Variants in KCNIP4 observed in about 807,000 individuals in gnomAD.
KCNIP4 encodes the protein Kv channel-interacting protein 4.
Under a neutral mutation model 34.0 loss-of-function variants are expected in KCNIP4, and 12 were observed. That is an observed-to-expected ratio of 0.35 (90% CI 0.23 to 0.57). The LOEUF is 0.57. KCNIP4 is among the 20% of genes least tolerant of loss of function. KCNIP4 has a pLI of 0.83. For missense variants in KCNIP4, 238 were observed against 311.7 expected, an observed-to-expected ratio of 0.76 and a Z score of 1.78; for synonymous variants, 124 against 102.2, an observed-to-expected ratio of 1.21 and a Z score of -1.29.
intron 3 of KCNIP4, among the ~76,000 whole-genome samples, chr4:20,849,201 A>G (rs914122787): frequency 2.6e-5 from 4 of 152,134 alleles, no homozygotes; most frequent in Non-Finnish European, 4.4e-5. Context: ...TCTCCATTAT[A>G]ATCTCCTCTG....
rs555524526 is a variant in KCNIP4 at position 21,671,914 on chromosome 4, T to C, written c.61+276657A>G. On this transcript the variant is annotated intron_variant, in intron 1 of 8. Coordinates refer to ENST00000382152, the MANE Select transcript of KCNIP4 (RefSeq NM_025221.6). ...CTGGGTTCAAGCAAACGCATCCCAC[T>C]AGAACCCAGTCCTGAACTTTGAAGT... Among the ~76,000 whole-genome samples, 3 of 152,262 alleles carry C rather than the reference T, an allele frequency of 2.0e-5. No individual in the cohort carries two copies. In the East Asian group the frequency reaches 5.8e-4, roughly 29 times the overall value.
chr4:21,508,946 T>C (rs907315445), intron 1 of KCNIP4, among the ~76,000 whole-genome samples: 14 of 152,162 alleles, frequency 9.2e-5, no homozygotes, highest in Admixed American at 5.9e-4. Context: ...CATGGACACC[T>C]TCTTGCTTCT....
At chr4:20,892,489 A>G (rs1430671725) in intron 1 of KCNIP4, among the ~76,000 whole-genome samples, 1 of 151,756 alleles carries the variant, frequency 6.6e-6, no homozygotes, top group Admixed American at 6.6e-5. Flanking sequence ...CTCTGGCTCA[A>G]TGTCTCTCTC....
intron 1 of KCNIP4, among the ~76,000 whole-genome samples, chr4:21,376,651 C>T (rs942995993): frequency 2.5e-4 from 38 of 152,172 alleles, no homozygotes; most frequent in African/African-American, 9.2e-4. Flanking sequence ...TCCCTTCAGA[C>T]CTGTATCATG....
At chr4:21,072,034 G>C (rs1042255668) in intron 1 of KCNIP4, among the ~76,000 whole-genome samples, 1 of 152,138 alleles carries the variant, frequency 6.6e-6, no homozygotes, top group African/African-American at 2.4e-5. Flanking sequence ...TCTTAATCCA[G>C]TCTGTCATTG....
At chr4:21,198,087 A>ATTTTCAGAAAATTCAGGTC (rs1756189873) in intron 1 of KCNIP4, among the ~76,000 whole-genome samples, 1 of 152,160 alleles carries the variant, frequency 6.6e-6, no homozygotes, top group Non-Finnish European at 1.5e-5. Flanking sequence ...CATATGAGTA[A>ATTTTCAGAAAATTCAGGTC]TTTTCAGAAA....
intron 1 of KCNIP4, among the ~76,000 whole-genome samples, chr4:21,553,271 C>A (rs1738724421): frequency 6.6e-6 from 1 of 152,148 alleles, no homozygotes; most frequent in Non-Finnish European, 1.5e-5. Context: ...CCATTCACTT[C>A]TCTCACTAGG....
chr4:21,652,065 A>C (rs1747526927), intron 1 of KCNIP4, among the ~76,000 whole-genome samples: 1 of 152,108 alleles, frequency 6.6e-6, no homozygotes, highest in African/African-American at 2.4e-5. Context: ...ACAGGTCTAC[A>C]CCTCTAACAC....
chr4:21,333,848 C>A (rs1235435701), intron 1 of KCNIP4, among the ~76,000 whole-genome samples: 1 of 152,114 alleles, frequency 6.6e-6, no homozygotes, highest in Admixed American at 6.5e-5. Context: ...AGGATCATGG[C>A]CAGTGGCCAA....
At chr4:21,601,826 G>A (rs2109121822) in intron 1 of KCNIP4, among the ~76,000 whole-genome samples, 1 of 152,186 alleles carries the variant, frequency 6.6e-6, no homozygotes, top group South Asian at 2.1e-4. Flanking sequence ...CCATGCTTAT[G>A]CATGGCTGGT....
chr4:21,099,002 G>A (rs1170749993), intron 1 of KCNIP4, among the ~76,000 whole-genome samples: 2 of 152,298 alleles, frequency 1.3e-5, no homozygotes, highest in East Asian at 1.9e-4. Context: ...AAAAAGGAAC[G>A]CTTTTGCACT....
chr4:21,147,616 T>C (rs953105521), intron 1 of KCNIP4, among the ~76,000 whole-genome samples: 5 of 152,108 alleles, frequency 3.3e-5, no homozygotes, highest in Non-Finnish European at 4.4e-5. Context: ...AGGAATTATT[T>C]TGATGTTATA....
intron 1 of KCNIP4, among the ~76,000 whole-genome samples, chr4:21,898,858 C>T (rs1727553103): frequency 6.6e-6 from 1 of 152,136 alleles, no homozygotes; most frequent in Admixed American, 6.5e-5. Context: ...TCCCCGAGCA[C>T]AGACCTAGGC....
rs142286267 is a variant in KCNIP4, at chr4:21,561,381, C to T, written c.61+387190G>A. The stretch of plus-strand genomic sequence containing the variant: ...AAGAAAGAGGGAGTTTAAGGGAGAA[C>T]CGATTAAAGACTAAAAATAGAAGGG... On this transcript the variant is annotated intron_variant, in intron 1 of 8. Transcript: ENST00000382152. Among the ~76,000 whole-genome samples, 1,227 of 151,910 alleles carry T rather than the reference C, an allele frequency of 8.1e-3. 18 individuals carry two copies. The highest frequency in any genetic ancestry group is 0.028 in the African/African-American group (1,149 of 41,446).
intron 1 of KCNIP4, among the ~76,000 whole-genome samples, chr4:21,445,732 A>G (rs779139565): frequency 6.6e-6 from 1 of 152,252 alleles, no homozygotes; most frequent in Non-Finnish European, 1.5e-5. Flanking sequence ...TTCATGTCTA[A>G]AACACCAAAG....
intron 2 of KCNIP4, among the ~76,000 whole-genome samples, chr4:20,880,818 A>G (rs537677192): frequency 6.6e-6 from 1 of 152,298 alleles, no homozygotes; most frequent in South Asian, 2.1e-4. Flanking sequence ...AATATCATGT[A>G]GGATTAGGGC....
rs563324014 is a variant in KCNIP4 at position 21,654,832 on chromosome 4, G to C, written c.61+293739C>G. ...CCAGCTACTTGGGAGGCTGAGGCAG[G>C]AGAATGGCGTGAACCTGGGAGGCGG... On this transcript the variant is annotated intron_variant, in intron 1 of 8. Coordinates refer to ENST00000382152, the MANE Select transcript of KCNIP4 (RefSeq NM_025221.6). 3.3e-5 allele frequency among the ~76,000 whole-genome samples: 5 copies of C among 152,250 alleles called. No homozygotes were observed. The East Asian group carries it at 9.7e-4, about 30-fold the overall frequency.
At chr4:21,156,739 T>A (rs964535007) in intron 1 of KCNIP4, among the ~76,000 whole-genome samples, 2 of 152,174 alleles carry the variant, frequency 1.3e-5, no homozygotes, top group Non-Finnish European at 2.9e-5. Context: ...AATATCATCA[T>A]CTTTTTATAT....
chr4:21,029,673 G>T (rs1740839243), intron 1 of KCNIP4, among the ~76,000 whole-genome samples: 1 of 152,212 alleles, frequency 6.6e-6, no homozygotes, highest in African/African-American at 2.4e-5. Flanking sequence ...GGCCTCTGTT[G>T]TTGGACACTA....
Sources: allele counts gnomAD v4.1 joint callset (sites outside exome capture counted in the v4.1 genomes callset), GRCh38; gene constraint gnomAD v4.1.1; transcripts MANE v1.5; gene names NCBI Gene and HGNC (gene_info 2026-07-23, HGNC 2026-07-21).